Variants in FKBP5 observed in about 807,000 individuals in gnomAD.
FKBP5 encodes FKBP prolyl isomerase 5.
A neutral mutation model predicts 50.5 loss-of-function variants in FKBP5; 23 were observed. The observed-to-expected ratio is 0.46, with a 90% CI of 0.33 to 0.65. FKBP5 has a LOEUF of 0.65. Ranked by LOEUF, FKBP5 falls within the 30% of genes least tolerant of loss-of-function variation. The pLI is 0.02. For missense variants in FKBP5, 411 were observed against 553.1 expected (o/e 0.74, Z 2.58); for synonymous variants, 176 against 190.6 (o/e 0.92, Z 0.63).
At chr6:35,631,239 T>G (rs867004298) in intron 3 of FKBP5, among the ~76,000 whole-genome samples, 7 of 152,348 alleles carry the variant, frequency 4.6e-5, no homozygotes, top group Middle Eastern at 6.8e-3. Context: ...GTGAACAAAC[T>G]GTGGCATTCC....
chr6:35,719,590 C>T (rs1766569493), intron 2 of FKBP5, among the ~76,000 whole-genome samples: 1 of 152,010 alleles, frequency 6.6e-6, no homozygotes, highest in Non-Finnish European at 1.5e-5. Context: ...AAACACCACC[C>T]ACAATGCCTG....
At chr6:35,627,876 C>T (rs1764046508) in intron 3 of FKBP5, among the ~76,000 whole-genome samples, 1 of 151,722 alleles carries the variant, frequency 6.6e-6, no homozygotes, top group African/African-American at 2.4e-5. Context: ...ATTCTCCTGC[C>T]TCCACCTCCC....
chr6:35,642,880 T>C, intron 1 of FKBP5, 37 bp from the exon 2 acceptor site: 2 of 1,470,546 alleles, frequency 1.4e-6, no homozygotes, highest in Middle Eastern at 1.8e-4. Flanking sequence ...GGGAAAAATA[T>C]CACTTCTTTA....
chr6:35,642,940 CT>C lies in FKBP5; in HGVS notation c.-19-98del. On this transcript the variant is annotated intron_variant, in intron 1 of 10. Transcript: ENST00000357266. ...TGAGCTCTACCTAACCTAAGATTTA[CT>C]TAGGGCCAATAAGCTTAGATACTGA... The C allele has an allele frequency of 1.4e-5, 11 of 812,128 alleles. No individual in the cohort carries two copies. In the South Asian group the frequency reaches 1.7e-4, roughly 13 times the overall value. The allele number at this position is 812,128 out of a possible 1,614,324, so 50.3% of individuals were successfully genotyped here. A position where few individuals can be genotyped will look rare whatever the true frequency, so the allele number is the denominator to read the frequency against.
chr6:35,688,559 A>G (rs1028123179), intron 1 of FKBP5, among the ~76,000 whole-genome samples: 23 of 150,658 alleles, frequency 1.5e-4, no homozygotes, highest in Admixed American at 5.9e-4. Flanking sequence ...TCCCGCGGGG[A>G]GCACCGGCCC....
At chr6:35,683,910 T>C (rs1231360350) in intron 1 of FKBP5, among the ~76,000 whole-genome samples, 2 of 151,884 alleles carry the variant, frequency 1.3e-5, no homozygotes, top group African/African-American at 4.8e-5. Context: ...ATACAAAAAT[T>C]AGCTGGGCGT....
intron 1 of FKBP5, among the ~76,000 whole-genome samples, chr6:35,647,142 A>C (rs1417169584): frequency 6.6e-6 from 1 of 152,220 alleles, no homozygotes; most frequent in African/African-American, 2.4e-5. Context: ...CAAAGCTAAG[A>C]GACCACACTT....
intron 2 of FKBP5, among the ~76,000 whole-genome samples, chr6:35,705,712 A>G (rs1447137780): frequency 2.6e-5 from 4 of 152,198 alleles, no homozygotes; most frequent in Admixed American, 6.5e-5. Flanking sequence ...TCTGGGGGTG[A>G]GGAGGGTGAG....
intron 3 of FKBP5, among the ~76,000 whole-genome samples, chr6:35,622,372 A>G (rs1391255735): frequency 1.3e-5 from 2 of 152,090 alleles, no homozygotes; most frequent in East Asian, 1.9e-4. Flanking sequence ...TTAGTGCGGC[A>G]TGGTGGCATA....
At chr6:35,685,220 G>A (rs1468663818) in intron 1 of FKBP5, among the ~76,000 whole-genome samples, 1 of 151,978 alleles carries the variant, frequency 6.6e-6, no homozygotes, top group East Asian at 1.9e-4. Context: ...AGTACATATG[G>A]CCCCACTGTA....
intron 3 of FKBP5, among the ~76,000 whole-genome samples, chr6:35,632,929 T>C (rs1204079069): frequency 1.3e-5 from 2 of 151,048 alleles, no homozygotes; most frequent in African/African-American, 4.9e-5. Context: ...AAAGATGGTA[T>C]GATAAAAGCA....
chr6:35,707,951 T>C (rs1169415425), intron 2 of FKBP5, among the ~76,000 whole-genome samples: 1 of 152,168 alleles, frequency 6.6e-6, no homozygotes, highest in Non-Finnish European at 1.5e-5. Context: ...GTCAGAAAGA[T>C]ACATCATTTT....
intron 2 of FKBP5, among the ~76,000 whole-genome samples, chr6:35,706,424 C>CAAAAA (rs71002595): frequency 2.3e-4 from 24 of 103,352 alleles, no homozygotes; most frequent in Non-Finnish European, 3.1e-4. Flanking sequence ...AACTCTGTCT[C>CAAAAA]AAAAAAAAAA....
intron 1 of FKBP5, among the ~76,000 whole-genome samples, chr6:35,670,672 C>T (rs542284548): frequency 7.4e-5 from 11 of 149,304 alleles, no homozygotes; most frequent in Middle Eastern, 3.4e-3. Flanking sequence ...GCGGAGGTTG[C>T]AGTGAGAAAA....
intron 1 of FKBP5, among the ~76,000 whole-genome samples, chr6:35,673,541 G>GAAAAA (rs927628663): frequency 6.7e-6 from 1 of 149,252 alleles, no homozygotes. Context: ...TGTCTCAAAA[G>GAAAAA]AAAAAAAAAG....
At chr6:35,622,041 C>T (rs530876965) in intron 3 of FKBP5, among the ~76,000 whole-genome samples, 190 of 151,980 alleles carry the variant, frequency 1.3e-3, no homozygotes, top group African/African-American at 4.2e-3. Context: ...AGAGATGAAC[C>T]CCAGAGGAAG....
At chr6:35,647,114 A>G (rs1000510367) in intron 1 of FKBP5, among the ~76,000 whole-genome samples, 1 of 152,216 alleles carries the variant, frequency 6.6e-6, no homozygotes, top group African/African-American at 2.4e-5. Flanking sequence ...TCTCGGAACA[A>G]ATAATTACTG....
rs568142432 is a variant in FKBP5, at chr6:35,724,556, A to T, written c.-241+3952T>A. 1.6e-4 allele frequency among the ~76,000 whole-genome samples: 25 copies of T among 152,286 alleles called. No individual in the cohort carries two copies. In the East Asian group the frequency reaches 4.6e-3, roughly 28 times the overall value. ...GGAGAATTTGCATTTTAGTTACATA[A>T]TCTGAGCAATCTTGAAGACTATTTT... On this transcript the variant is annotated intron_variant, in intron 1 of 11. Coordinates refer to the FKBP5 transcript ENST00000536438.
chr6:35,577,778 G>A (rs113774032), intron 9 of FKBP5, among the ~76,000 whole-genome samples: 32 of 152,192 alleles, frequency 2.1e-4, no homozygotes, highest in Non-Finnish European at 3.2e-4. Flanking sequence ...AGTTAAGGCC[G>A]GGTGCAGTGG....
Sources: allele counts gnomAD v4.1 joint callset (sites outside exome capture counted in the v4.1 genomes callset), GRCh38; gene constraint gnomAD v4.1.1; transcripts MANE v1.5; gene names NCBI Gene and HGNC (gene_info 2026-07-23, HGNC 2026-07-21).